Variants in FRYL observed in about 807,000 individuals in gnomAD.
FRYL encodes the protein FRY like transcription coactivator.
Under a neutral mutation model 351.2 loss-of-function variants are expected in FRYL, and 150 were observed. That is an observed-to-expected ratio of 0.43 (90% CI 0.37 to 0.49). FRYL has a LOEUF of 0.49. Ranked by LOEUF, FRYL falls within the 20% of genes least tolerant of loss-of-function variation. The pLI is 0.00. For synonymous variants in FRYL, 1,153 were observed against 1,257.1 expected (o/e 0.92, Z 1.75); for missense variants, 3,036 against 3,619.3 (o/e 0.84, Z 4.13).
At chr4:48,692,447 C>G (rs1415296439) in intron 2 of FRYL, among the ~76,000 whole-genome samples, 4 of 151,762 alleles carry the variant, frequency 2.6e-5, no homozygotes, top group African/African-American at 9.7e-5. Flanking sequence ...GGCTGGAGTG[C>G]AGTGGCATGA....
intron 1 of FRYL, among the ~76,000 whole-genome samples, chr4:48,747,597 C>A (rs1185993813): frequency 1.3e-5 from 2 of 152,086 alleles, no homozygotes; most frequent in African/African-American, 4.8e-5. Flanking sequence ...GAATTCAATT[C>A]ATAAAAGTTG....
rs1052457034 is a variant in FRYL at position 48,565,709 on chromosome 4, T to A, written c.3170-18A>T. On this transcript the variant is annotated intron_variant, in intron 28 of 63. Transcript: ENST00000358350. Reference sequence around the variant, plus strand: ...CTGGTGCACTGTGAATAAAAAAAGATAGAAAACATTTATTTCCATTTCTTT... The same window carrying A: ...CTGGTGCACTGTGAATAAAAAAAGAAAGAAAACATTTATTTCCATTTCTTT... The A allele has an allele frequency of 6.3e-7, 1 of 1,599,824 alleles. No individual in the cohort carries two copies. The highest frequency in any genetic ancestry group is 8.5e-7 in the Non-Finnish European group (1 of 1,174,760).
At chr4:48,527,447 A>C in intron 53 of FRYL, 30 bp downstream of exon 53, 1 of 1,560,144 alleles carries the variant, frequency 6.4e-7, no homozygotes, top group Non-Finnish European at 8.8e-7. Flanking sequence ...CTGTTCTATA[A>C]ATATTAACAG....
At chr4:48,546,012 T>C (rs1731257899) in intron 42 of FRYL, 55 bp downstream of exon 42, 1 of 1,489,626 alleles carries the variant, frequency 6.7e-7, no homozygotes, top group Non-Finnish European at 9.2e-7. Context: ...ACCTGATCAA[T>C]GAAAGAATGA....
chr4:48,627,899 C>G (rs1375500023), intron 4 of FRYL, among the ~76,000 whole-genome samples: 2 of 152,108 alleles, frequency 1.3e-5, no homozygotes, highest in East Asian at 3.9e-4. Flanking sequence ...ACCTCCCCAG[C>G]AGCTGGGATT....
chr4:48,631,745 A>C (rs1180510313), intron 4 of FRYL, among the ~76,000 whole-genome samples: 1 of 151,968 alleles, frequency 6.6e-6, no homozygotes, highest in Admixed American at 6.6e-5. Flanking sequence ...ACTAAGTTAG[A>C]GGGAATATAT....
intron 3 of FRYL, among the ~76,000 whole-genome samples, chr4:48,653,555 G>A (rs907178670): frequency 5.9e-5 from 9 of 152,112 alleles, no homozygotes; most frequent in African/African-American, 2.2e-4. Flanking sequence ...TGCATGTCTA[G>A]ATTTTCTATC....
In FRYL at chr4:48,696,845, G is replaced by GATCTATCT. The variant is rs71660456; in HGVS notation, c.-203-12058_-203-12051dup. On this transcript the variant is annotated intron_variant, in intron 2 of 63. Coordinates refer to ENST00000358350, the MANE Select transcript of FRYL (RefSeq NM_015030.2). ...GTATAAAAGAAAAATAACGATAAGA[G>GATCTATCT]ATCTATCTATCTATCTATCTATCTA... Among the ~76,000 whole-genome samples the GATCTATCT allele has an allele frequency of 7.6e-3, 1,103 of 144,624 alleles. 7 individuals are homozygous for GATCTATCT. The highest frequency in any genetic ancestry group is 0.012 in the East Asian group (59 of 4,898). 94.9% of individuals were successfully genotyped at this position (144,624 alleles called of 152,430 possible).
At position 48,619,272 on chromosome 4, in the gene FRYL, A is replaced by T. The variant is rs1324604248; in HGVS notation, c.411+2T>A. ...AGACTTTGCAGAAATAAAAGAGCTT[A>T]CCTGCTTTAGAACTTCAACTAAAAC... On this transcript the variant is annotated splice_donor_variant, in intron 7 of 63. Transcript: ENST00000358350. LOFTEE classifies it high-confidence loss of function. 6.3e-7 allele frequency: 1 copy of T among 1,584,538 alleles called. No homozygotes were observed. Among genetic ancestry groups the T allele is most frequent in the Non-Finnish European group, 8.7e-7 (1 of 1,154,600 alleles).
chr4:48,564,832 T>A, intron 30 of FRYL, 101 bp downstream of exon 30: 1 of 625,778 alleles, frequency 1.6e-6, no homozygotes, highest in Non-Finnish European at 2.8e-6. Flanking sequence ...TCCTAACCTA[T>A]CTTATTTTTT....
chr4:48,601,961 A>G (rs561502063), intron 13 of FRYL, 59 bp downstream of exon 13: 25 of 950,730 alleles, frequency 2.6e-5, no homozygotes, highest in Non-Finnish European at 3.5e-5. Context: ...TTCAATTTAT[A>G]TGCATAAACA....
At chr4:48,538,553 T>A in intron 47 of FRYL, among the ~76,000 whole-genome samples, 1 of 152,190 alleles carries the variant, frequency 6.6e-6, no homozygotes, top group Admixed American at 6.6e-5. Flanking sequence ...TGCTGCAATC[T>A]GGGCCATGGA....
intron 54 of FRYL, among the ~76,000 whole-genome samples, chr4:48,522,361 T>C (rs1431968972): frequency 6.6e-6 from 1 of 152,196 alleles, no homozygotes; most frequent in Non-Finnish European, 1.5e-5. Flanking sequence ...TTCTTCCTTA[T>C]CACATGTACC....
intron 1 of FRYL, among the ~76,000 whole-genome samples, chr4:48,756,641 A>T (rs1773809010): frequency 6.6e-6 from 1 of 152,232 alleles, no homozygotes; most frequent in South Asian, 2.1e-4. Flanking sequence ...TATCAAATAT[A>T]ATAAATCCAA....
intron 3 of FRYL, among the ~76,000 whole-genome samples, chr4:48,681,373 A>T (rs1316781385): frequency 1.3e-5 from 2 of 152,176 alleles, no homozygotes; most frequent in Admixed American, 6.6e-5. Flanking sequence ...ATGTACGCGT[A>T]CATGTACAAT....
chr4:48,644,775 T>C (rs1756053330), intron 3 of FRYL, among the ~76,000 whole-genome samples: 1 of 151,972 alleles, frequency 6.6e-6, no homozygotes, highest in South Asian at 2.1e-4. Context: ...TCTTCTTATA[T>C]AATCAAGGGG....
At chr4:48,728,939 A>C (rs545303189) in intron 1 of FRYL, among the ~76,000 whole-genome samples, 1 of 152,372 alleles carries the variant, frequency 6.6e-6, no homozygotes, top group African/African-American at 2.4e-5. Context: ...TGGGAAATGC[A>C]AGCGGTCAGG....
At chr4:48,583,732 G>A (rs548759666) in intron 19 of FRYL, among the ~76,000 whole-genome samples, 1 of 151,758 alleles carries the variant, frequency 6.6e-6, no homozygotes, top group South Asian at 2.1e-4. Context: ...ATGAAATCCC[G>A]TCTCTATTAA....
Position 48,753,874 on chromosome 4 carries a change from G to T in FRYL, c.-384+26204C>A, listed in dbSNP as rs1415105799. ...AAATCCAGATGTCTCAGTATCGTTTGTTGAACAGATCCCGCATTTCCCCCA... is the reference window on the plus strand; with the variant it reads ...AAATCCAGATGTCTCAGTATCGTTTTTTGAACAGATCCCGCATTTCCCCCA... On this transcript the variant is annotated intron_variant, in intron 1 of 63. Coordinates refer to ENST00000358350, the MANE Select transcript of FRYL (RefSeq NM_015030.2). Among the ~76,000 whole-genome samples the T allele has an allele frequency of 2.6e-5, 4 of 152,054 alleles. No homozygotes were observed. In the East Asian group the frequency reaches 7.7e-4, roughly 29 times the overall value.
Sources: gnomAD v4.1 joint callset for allele counts (sites outside exome capture counted in the v4.1 genomes callset) on GRCh38, gnomAD v4.1.1 for gene constraint, MANE v1.5 for transcripts, NCBI Gene and HGNC (gene_info 2026-07-23, HGNC 2026-07-21) for gene names.